Variants in OXNAD1 observed in about 807,000 individuals in gnomAD.
OXNAD1 encodes oxidoreductase NAD binding domain containing 1, also known as oxidoreductase NAD-binding domain-containing protein 1.
A neutral mutation model predicts 32.9 loss-of-function variants in OXNAD1; 34 were observed. The ratio of observed to expected loss-of-function variants is 1.03; its 90% CI spans 0.79 to 1.38. The LOEUF (loss-of-function observed/expected upper bound fraction) is 1.38. Ranked by LOEUF, OXNAD1 falls within the 40% of genes most tolerant of loss-of-function variation. The probability of loss-of-function intolerance (pLI) is 0.00; values close to 1 mark genes in which losing one functional copy is unlikely to be tolerated. For missense variants in OXNAD1, 407 were observed against 379.4 expected (o/e 1.07, Z -0.60); for synonymous variants, 134 against 135.2 (o/e 0.99, Z 0.06).
Position 16,334,293 on chromosome 3 carries a change from G to C in OXNAD1, c.*31-2819G>C, listed in dbSNP as rs137862950. 1.3e-5 allele frequency among the ~76,000 whole-genome samples: 2 copies of C among 152,302 alleles called. No individual in the cohort carries two copies. Among genetic ancestry groups the C allele is most frequent in the Admixed American group, 6.5e-5 (1 of 15,310 alleles). ...TTGCCAAGGCCGTGGGGAAGCATGC[G>C]TTCTTGTACATTGCTAGTGGAAGGG... On this transcript the variant is annotated intron_variant, in intron 9 of 9. Transcript: ENST00000435829. This position sits in a 1 kb window ranked among gnomAD's most constrained non-coding sequence, Gnocchi z 4.3.
intron 5 of OXNAD1, among the ~76,000 whole-genome samples, chr3:16,292,909 A>AT (rs2066525546): frequency 1.3e-5 from 2 of 152,294 alleles, no homozygotes; most frequent in East Asian, 3.9e-4. Flanking sequence ...GTACAACAGC[A>AT]TTTTCATTAC....
intron 9 of OXNAD1, chr3:16,323,343 G>T: frequency 6.6e-7 from 1 of 1,506,772 alleles, no homozygotes. Context: ...GCCCTGCTGA[G>T]GAAAACCTAG....
chr3:16,347,519 C>G (rs76462499), intron 9 of OXNAD1: 1 of 152,220 alleles, frequency 6.6e-6, no homozygotes. Context: ...CCTCACTACT[C>G]CAATCTTCAA....
At chr3:16,341,197 A>G (rs1448817879), downstream of OXNAD1, among the ~76,000 whole-genome samples, 1 of 152,220 alleles carries the variant, frequency 6.6e-6, no homozygotes. The surrounding 1 kb of genome is among the most constrained non-coding windows in gnomAD (Gnocchi z 4.7). Context: ...ACTCTCGTTC[A>G]CTGTGGTGGG....
chr3:16,267,094 G>A (rs1043795285), intron 1 of OXNAD1, among the ~76,000 whole-genome samples: 2 of 152,168 alleles, frequency 1.3e-5, no homozygotes, highest in African/African-American at 4.8e-5. Flanking sequence ...GTGCATTTAT[G>A]CTTATTGAGG....
Position 16,305,869 on chromosome 3 carries a change from C to T in OXNAD1, c.*2307C>T, listed in dbSNP as rs999247517. ...CATACATGTAAAGTGCTTGGCAGAG[C>T]ACTGCATGAGTGTGTTGTCGTTATT... is the stretch of plus-strand genomic sequence containing the variant. On this transcript the variant is annotated 3_prime_UTR_variant, in exon 9 of 9. Transcript: ENST00000285083. This position sits in a 1 kb window ranked among gnomAD's most constrained non-coding sequence, Gnocchi z 4.5. The T allele has an allele frequency of 6.6e-6, 1 of 152,222 alleles. No homozygotes were observed. Among genetic ancestry groups the T allele is most frequent in the Admixed American group, 6.5e-5 (1 of 15,282 alleles). The allele number at this position is 152,222 out of a possible 1,614,324, so 9.4% of individuals were successfully genotyped here.
intron 9 of OXNAD1, among the ~76,000 whole-genome samples, chr3:16,343,888 A>G (rs1060699): frequency 0.1 from 15,413 of 152,236 alleles, 794 homozygotes; most frequent in Admixed American, 0.14. Flanking sequence ...AAGCCAGCTG[A>G]TAGTCTTATA....
At chr3:16,268,350 A>T (rs2064697060) in intron 1 of OXNAD1, among the ~76,000 whole-genome samples, 5 of 61,574 alleles carry the variant, frequency 8.1e-5, no homozygotes, top group East Asian at 5.3e-4. Context: ...TTTTTTTGAG[A>T]CTGAGTTTCG....
chr3:16,343,813 A>G (rs998832202), intron 9 of OXNAD1, among the ~76,000 whole-genome samples: 2 of 152,238 alleles, frequency 1.3e-5, no homozygotes, highest in African/African-American at 2.4e-5. Context: ...TTGCATAGCA[A>G]TTTGATAACT....
rs941145371 is a variant in OXNAD1 at position 16,327,369 on chromosome 3, C to T, written c.*31-9743C>T. 5.9e-5 allele frequency among the ~76,000 whole-genome samples: 9 copies of T among 152,170 alleles called. No homozygotes were observed. The highest frequency in any genetic ancestry group is 2.2e-4 in the African/African-American group (9 of 41,432). ...GTGTGTACACGCAGAAGCTGCTTTG[C>T]CTGTGTTATGTGCCCTGCCTTGCAG... On this transcript the variant is annotated intron_variant, in intron 9 of 9. Transcript: ENST00000435829. The surrounding 1 kb of genome is among the most constrained non-coding windows in gnomAD (Gnocchi z 4.2).
Position 16,271,164 on chromosome 3 carries a change from AG to A in OXNAD1, c.119+95del. On this transcript the variant is annotated intron_variant, in intron 3 of 8. Transcript: ENST00000285083. This position sits in a 1 kb window ranked among gnomAD's most constrained non-coding sequence, Gnocchi z 4.6. The stretch of plus-strand genomic sequence containing the variant: ...TGGGAGGCATATCAAACTCCCGGAA[AG>A]GTAACACCTTAGCTTCAATGTGCAT... The A allele has an allele frequency of 1.4e-6, 2 of 1,424,164 alleles. No homozygotes were observed. Among genetic ancestry groups the A allele is most frequent in the Non-Finnish European group, 1.9e-6 (2 of 1,038,176 alleles). 88.2% of individuals were successfully genotyped at this position (1,424,164 alleles called of 1,614,324 possible). A position where few individuals can be genotyped will look rare whatever the true frequency, so the allele number is the denominator to read the frequency against.
rs1237905646 is a variant in OXNAD1 at position 16,284,210 on chromosome 3, G to A, written c.184-2132G>A. Reference sequence around the variant, plus strand: ...TCAGTGCTCAGTCTTTAAGGCCCTGGTGCAAAAGCATTGGTATGGTGGCAT... The same window carrying A: ...TCAGTGCTCAGTCTTTAAGGCCCTGATGCAAAAGCATTGGTATGGTGGCAT... On this transcript the variant is annotated intron_variant, in intron 4 of 8. Transcript: ENST00000285083. The surrounding 1 kb of genome is among the most constrained non-coding windows in gnomAD (Gnocchi z 4.1). Among the ~76,000 whole-genome samples, 1 of 152,170 alleles carries A rather than the reference G, an allele frequency of 6.6e-6. No homozygotes were observed. Among genetic ancestry groups the A allele is most frequent in the Non-Finnish European group, 1.5e-5 (1 of 68,036 alleles).
chr3:16,346,596 AC>A lies in OXNAD1; in HGVS notation c.*31-2574del, dbSNP rs979753764. 1.3e-5 allele frequency among the ~76,000 whole-genome samples: 2 copies of A among 151,582 alleles called. No homozygotes were observed. Among genetic ancestry groups the A allele is most frequent in the Non-Finnish European group, 2.9e-5 (2 of 67,916 alleles). On this transcript the variant is annotated intron_variant, in intron 9 of 9. Coordinates refer to the OXNAD1 transcript ENST00000606098. This position sits in a 1 kb window ranked among gnomAD's most constrained non-coding sequence, Gnocchi z 4.4. ...GGCCCAGGGCTTCTTCCTCACTGAC[AC>A]CCCCCAGGCCTGGACAACCATGACT... is the stretch of plus-strand genomic sequence containing the variant.
rs2067468438 is a variant in OXNAD1, at chr3:16,305,227, A to T, written c.*1665A>T. 1 of 152,178 alleles carries T rather than the reference A, an allele frequency of 6.6e-6. No individual in the cohort carries two copies. Among genetic ancestry groups the T allele is most frequent in the East Asian group, 1.9e-4 (1 of 5,188 alleles). 9.4% of individuals were successfully genotyped at this position (152,178 alleles called of 1,614,324 possible). On this transcript the variant is annotated 3_prime_UTR_variant, in exon 9 of 9. Transcript: ENST00000285083. The surrounding 1 kb of genome is among the most constrained non-coding windows in gnomAD (Gnocchi z 4.5). ...GGACACCTAAAGGTATGCGGAAAGT[A>T]CCTAACCCAGACCTCTCTGCATTAG...
At position 16,301,728 on chromosome 3, in the gene OXNAD1, GTCGGAA is replaced by G. The variant is rs1412254801; in HGVS notation, c.537_542del (p.Gly180_Ile181del). 1 of 1,614,066 alleles carries G rather than the reference GTCGGAA, an allele frequency of 6.2e-7. No homozygotes were observed. Among genetic ancestry groups the G allele is most frequent in the Admixed American group, 1.7e-5 (1 of 60,002 alleles). Reference sequence around the variant, plus strand: ...AAACCTCGTGTTGATTGCAGGAGGAGTCGGAATTAACCCTCTGCTTTCCATCCTGCG... The same window carrying G: ...AAACCTCGTGTTGATTGCAGGAGGAGTTAACCCTCTGCTTTCCATCCTGCG... On this transcript the variant is annotated inframe_deletion, in exon 7 of 9. Coordinates refer to ENST00000285083, the MANE Select transcript of OXNAD1 (RefSeq NM_138381.5). The surrounding 1 kb of genome is among the most constrained non-coding windows in gnomAD (Gnocchi z 4.1).
Position 16,326,766 on chromosome 3 carries a change from T to C in OXNAD1, c.*31-10346T>C, listed in dbSNP as rs368117034. ...AATAGAATCCTAATGATTACTGTTA[T>C]TGTTACCTGGTAGTCTTGACGACGG... On this transcript the variant is annotated intron_variant, in intron 9 of 9. Coordinates refer to the OXNAD1 transcript ENST00000435829. 24 of 1,607,184 alleles carry C rather than the reference T, an allele frequency of 1.5e-5. No individual in the cohort carries two copies. The East Asian group carries it at 2.0e-4, about 13-fold the overall frequency.
Position 16,316,921 on chromosome 3 carries a change from C to T in OXNAD1, c.*30+13329C>T. ...GATTGGAGTGCCCAGTGCAAATCCCCACCAGGGCCCTGCTGTGGCTGGCAG... is the reference window on the plus strand; with the variant it reads ...GATTGGAGTGCCCAGTGCAAATCCCTACCAGGGCCCTGCTGTGGCTGGCAG... On this transcript the variant is annotated intron_variant, in intron 9 of 9. Transcript: ENST00000435829. This position sits in a 1 kb window ranked among gnomAD's most constrained non-coding sequence, Gnocchi z 4.5. The T allele has an allele frequency of 1.2e-6, 2 of 1,614,126 alleles. No individual in the cohort carries two copies. The highest frequency in any genetic ancestry group is 1.7e-6 in the Non-Finnish European group (2 of 1,180,026).
Position 16,317,113 on chromosome 3 carries a change from CTGGTCTTCTA to C in OXNAD1, c.*30+13522_*30+13531del, listed in dbSNP as rs767744817. On this transcript the variant is annotated intron_variant, in intron 9 of 9. Coordinates refer to the OXNAD1 transcript ENST00000435829. The surrounding 1 kb of genome is among the most constrained non-coding windows in gnomAD (Gnocchi z 4.3). ...TTCCCATGTCTCCAGCTTTGGAAGA[CTGGTCTTCTA>C]AGTTCTTCTCATTTTCTTCTGCTTG... 1.9e-6 allele frequency: 3 copies of C among 1,613,840 alleles called. No homozygotes were observed. Among genetic ancestry groups the C allele is most frequent in the Non-Finnish European group, 2.5e-6 (3 of 1,180,018 alleles).
At position 16,344,424 on chromosome 3, in the gene OXNAD1, C is replaced by A. The variant is rs1042623578; in HGVS notation, c.*31-4752C>A. Among the ~76,000 whole-genome samples, 1 of 151,896 alleles carries A rather than the reference C, an allele frequency of 6.6e-6. No homozygotes were observed. Among genetic ancestry groups the A allele is most frequent in the Non-Finnish European group, 1.5e-5 (1 of 68,000 alleles). The stretch of plus-strand genomic sequence containing the variant: ...TAAAAACAGATACATTCAGAAAAGG[C>A]GGCTCTGGTTGACACTGGCATGGGT... On this transcript the variant is annotated intron_variant, in intron 9 of 9. Coordinates refer to the OXNAD1 transcript ENST00000606098. This position sits in a 1 kb window ranked among gnomAD's most constrained non-coding sequence, Gnocchi z 4.4.
Sources: gnomAD v4.1 joint callset for allele counts (sites outside exome capture counted in the v4.1 genomes callset) on GRCh38, gnomAD v4.1.1 for gene constraint, Gnocchi (gnomAD v3.1) non-coding constraint, MANE v1.5 for transcripts, NCBI Gene and HGNC (gene_info 2026-07-23, HGNC 2026-07-21) for gene names.